HELLS: variants seen among roughly 807,000 people sequenced by gnomAD.
HELLS encodes the protein lymphoid-specific helicase.
In HELLS, 32 loss-of-function variants were observed where a neutral mutation model predicts 120.0. That is an observed-to-expected ratio of 0.27 (90% confidence interval 0.20 to 0.36). HELLS has a LOEUF of 0.36. HELLS is among the 10% of genes least tolerant of loss of function. HELLS has a pLI of 1.00. For missense variants in HELLS, 650 were observed against 993.4 expected (o/e 0.65, Z 4.65); for synonymous variants, 341 against 323.4 (o/e 1.05, Z -0.58).
chr10:94,561,306 C>T (rs1843545068), intron 4 of HELLS, among the ~76,000 whole-genome samples: 1 of 152,080 alleles, frequency 6.6e-6, no homozygotes, highest in African/African-American at 2.4e-5. Flanking sequence ...TTTTGAAGAA[C>T]ATGTTTTTAT....
chr10:94,576,561 T>A (rs1844495291), intron 9 of HELLS, 101 bp from the exon 10 acceptor site: 1 of 631,682 alleles, frequency 1.6e-6, no homozygotes, highest in East Asian at 3.1e-5. Context: ...TAAAATTTTT[T>A]AAAATTATAT....
chr10:94,590,614 T>C (rs1305974424), intron 14 of HELLS, 24 bp from the exon 15 acceptor site: 8 of 1,606,970 alleles, frequency 5.0e-6, no homozygotes, highest in Non-Finnish European at 6.8e-6. Context: ...GCATTTCCCA[T>C]ATATGCATTA....
At chr10:94,588,934 G>C (rs1357476729) in intron 13 of HELLS, among the ~76,000 whole-genome samples, 2 of 152,110 alleles carry the variant, frequency 1.3e-5, no homozygotes, top group Non-Finnish European at 2.9e-5. Context: ...ATCACCTGAG[G>C]TCGGGAATTT....
chr10:94,599,944 G>A (rs1243245056), intron 21 of HELLS, among the ~76,000 whole-genome samples: 1 of 152,156 alleles, frequency 6.6e-6, no homozygotes, highest in Non-Finnish European at 1.5e-5. Flanking sequence ...CAAAGTGTAA[G>A]TCAGTGGTCC....
chr10:94,608,636 G>GT (rs140578329), intron 9 of HELLS, among the ~76,000 whole-genome samples: 54,773 of 148,026 alleles, frequency 0.37, 10,499 homozygotes, highest in East Asian at 0.68. Flanking sequence ...CAGTTTTTTA[G>GT]TTTTTTTTTT....
At chr10:94,574,350 G>T (rs1393932661) in intron 8 of HELLS, 163 bp downstream of exon 8, 1 of 695,504 alleles carries the variant, frequency 1.4e-6, no homozygotes, top group African/African-American at 1.8e-5. Context: ...TTTAGAAGTA[G>T]AAATTACCTT....
At chr10:94,568,844 A>ATT (rs1843974659) in intron 6 of HELLS, among the ~76,000 whole-genome samples, 2 of 128,442 alleles carry the variant, frequency 1.6e-5, no homozygotes, top group African/African-American at 5.6e-5. Context: ...CACCTTTATC[A>ATT]CTTTTTTTTT....
intron 6 of HELLS, among the ~76,000 whole-genome samples, chr10:94,568,621 A>G (rs1349228554): frequency 6.6e-6 from 1 of 152,222 alleles, no homozygotes; most frequent in African/African-American, 2.4e-5. Context: ...AAACTCAAAT[A>G]TAATTACTCA....
intron 18 of HELLS, 49 bp downstream of exon 18, chr10:94,593,664 AATTT>A: frequency 8.7e-7 from 1 of 1,145,170 alleles, no homozygotes; most frequent in Non-Finnish European, 1.3e-6. Flanking sequence ...TTCCATTTTG[AATTT>A]TTTTTTTTTT....
At chr10:94,574,323 T>C (rs1844329459) in intron 8 of HELLS, 136 bp downstream of exon 8, 3 of 730,026 alleles carry the variant, frequency 4.1e-6, no homozygotes, top group Non-Finnish European at 6.7e-6. Context: ...TGCTTTCTGA[T>C]TTCTTTACCC....
chr10:94,555,419 A>C (rs558924962), intron 3 of HELLS, among the ~76,000 whole-genome samples: 3 of 152,222 alleles, frequency 2.0e-5, no homozygotes, highest in African/African-American at 7.2e-5. Context: ...CCTGGATGAC[A>C]GAGTGAGACC....
chr10:94,605,058 C>A (rs2148553), downstream of HELLS, among the ~76,000 whole-genome samples: 50,709 of 129,438 alleles, frequency 0.39, 10,403 homozygotes, highest in East Asian at 0.7. Context: ...TTACTGTTTA[C>A]TGTGTCTTGT....
chr10:94,563,929 G>C (rs1843672840), intron 6 of HELLS, among the ~76,000 whole-genome samples: 1 of 151,404 alleles, frequency 6.6e-6, no homozygotes, highest in Admixed American at 6.6e-5. Flanking sequence ...TCCTGCCTCA[G>C]CCTCCTGAGT....
At chr10:94,553,227 C>G (rs1197554078) in intron 2 of HELLS, among the ~76,000 whole-genome samples, 2 of 151,588 alleles carry the variant, frequency 1.3e-5, no homozygotes, top group Admixed American at 1.3e-4. Flanking sequence ...ACCACAACAT[C>G]AATGTTTTAG....
chr10:94,596,041 G>A (rs1420918413), intron 19 of HELLS, among the ~76,000 whole-genome samples: 2 of 151,916 alleles, frequency 1.3e-5, no homozygotes, highest in Non-Finnish European at 2.9e-5. Flanking sequence ...GGTTGTTCTC[G>A]AACACCTGGA....
intron 7 of HELLS, 119 bp from the exon 8 acceptor site, chr10:94,573,841 G>A (rs1284239658): frequency 1.2e-5 from 7 of 589,046 alleles, no homozygotes; most frequent in Non-Finnish European, 2.1e-5. Context: ...TGTGATCTTA[G>A]TCTTCTATAC....
intron 1 of HELLS, 86 bp downstream of exon 1, chr10:94,546,038 A>G (rs1331703864): frequency 1.4e-6 from 2 of 1,462,972 alleles, no homozygotes; most frequent in African/African-American, 1.4e-5. Flanking sequence ...AGTTTCGGGG[A>G]GGGAGCCGAC....
intron 12 of HELLS, among the ~76,000 whole-genome samples, chr10:94,585,840 T>C (rs1238975662): frequency 1.3e-5 from 2 of 152,158 alleles, no homozygotes; most frequent in South Asian, 2.1e-4. Context: ...TCTGAGTTGC[T>C]GGAACCAAAG....
intron 4 of HELLS, among the ~76,000 whole-genome samples, chr10:94,561,169 A>T (rs1173028009): frequency 6.6e-6 from 1 of 151,828 alleles, no homozygotes; most frequent in East Asian, 1.9e-4. Context: ...ACAGAGCTTC[A>T]CTATGTTGCC....
Sources: allele counts gnomAD v4.1 joint callset (sites outside exome capture counted in the v4.1 genomes callset), GRCh38; gene constraint gnomAD v4.1.1; transcripts MANE v1.5; gene names NCBI Gene and HGNC (gene_info 2026-07-23, HGNC 2026-07-21).